Variants in ZNRF2 observed in about 807,000 individuals in gnomAD.
ZNRF2 encodes the protein zinc and ring finger 2.
A neutral mutation model predicts 20.4 loss-of-function variants in ZNRF2; 16 were observed. That is an observed-to-expected ratio of 0.79 (90% CI 0.53 to 1.19). ZNRF2 has a LOEUF of 1.19. Among genes scored for constraint, ZNRF2 ranks in the 50% most tolerant of loss-of-function variants. The pLI, the probability that ZNRF2 is intolerant of heterozygous loss-of-function variation, is 0.00. For missense variants in ZNRF2, 363 were observed against 332.4 expected, an observed-to-expected ratio of 1.09 and a Z score of -0.72; for synonymous variants, 178 against 144.9, an observed-to-expected ratio of 1.23 and a Z score of -1.64.
intron 1 of ZNRF2, among the ~76,000 whole-genome samples, chr7:30,295,046 AGAGAGTGTGTGTGTGTGTGTGTGT>A (rs1384974948): frequency 3.0e-5 from 3 of 98,522 alleles, no homozygotes; most frequent in African/African-American, 5.0e-5. Context: ...AGAGAGAGAG[AGAGAGTGTGTGTGTGTGTGTGTGT>A]GTGTGTGTGT....
intron 2 of ZNRF2, among the ~76,000 whole-genome samples, chr7:30,351,675 T>C (rs539907591): frequency 1.3e-5 from 2 of 152,164 alleles, no homozygotes; most frequent in East Asian, 3.9e-4. Context: ...ACCTCAGGAC[T>C]TAGTAGTTTA....
At chr7:30,328,042 C>T (rs771168615) in intron 2 of ZNRF2, among the ~76,000 whole-genome samples, 1 of 152,114 alleles carries the variant, frequency 6.6e-6, no homozygotes, top group South Asian at 2.1e-4. Context: ...GGAGCTTTGC[C>T]TGGACTGATT....
intron 2 of ZNRF2, among the ~76,000 whole-genome samples, chr7:30,346,349 A>AGG (rs1484919830): frequency 6.6e-6 from 1 of 151,314 alleles, no homozygotes; most frequent in African/African-American, 2.4e-5. Flanking sequence ...GCCTGCCACC[A>AGG]CGCCTGGCTA....
At chr7:30,315,160 A>G (rs899355639) in intron 1 of ZNRF2, among the ~76,000 whole-genome samples, 5 of 152,076 alleles carry the variant, frequency 3.3e-5, no homozygotes, top group African/African-American at 1.2e-4. Context: ...TGGTCCCAGT[A>G]TGGATTTTGA....
chr7:30,343,212 G>A lies in ZNRF2; in HGVS notation c.566-12516G>A, dbSNP rs576541906. ...TGCCAATAGTCGCAGCTACTGGGGAGGCTGAGGTGGGAGGATCACTTGAGC... is the reference window on the plus strand; with the variant it reads ...TGCCAATAGTCGCAGCTACTGGGGAAGCTGAGGTGGGAGGATCACTTGAGC... On this transcript the variant is annotated intron_variant, in intron 2 of 4. Coordinates refer to ENST00000323037, the MANE Select transcript of ZNRF2 (RefSeq NM_147128.4). Among the ~76,000 whole-genome samples, 99 of 152,122 alleles carry A rather than the reference G, an allele frequency of 6.5e-4. 1 individual carries two copies. The highest frequency in any genetic ancestry group is 8.5e-4 in the Admixed American group (13 of 15,294).
At chr7:30,350,283 T>C (rs1433834741) in intron 2 of ZNRF2, among the ~76,000 whole-genome samples, 1 of 152,068 alleles carries the variant, frequency 6.6e-6, no homozygotes, top group African/African-American at 2.4e-5. Context: ...ATAAACTTTT[T>C]TTAAAAAGTC....
intron 4 of ZNRF2, among the ~76,000 whole-genome samples, chr7:30,364,640 C>T (rs1187201980): frequency 6.6e-6 from 1 of 152,078 alleles, no homozygotes. Flanking sequence ...TGAGACAAAA[C>T]GAAACTGTGG....
intron 1 of ZNRF2, among the ~76,000 whole-genome samples, chr7:30,300,075 C>T (rs1404385500): frequency 2.0e-5 from 3 of 151,324 alleles, no homozygotes; most frequent in African/African-American, 4.9e-5. Flanking sequence ...TGAGCCATCC[C>T]GGCCGTAAAA....
rs1408240422 is a variant in ZNRF2, at chr7:30,329,146, T to TA, written c.565+5415dup. On this transcript the variant is annotated intron_variant, in intron 2 of 4. Coordinates refer to ENST00000323037, the MANE Select transcript of ZNRF2 (RefSeq NM_147128.4). ...ATTATTAGCAAATTCTTAGTTTTTT[T>TA]AAAAAATTTTATTATGTGTACATAA... 2.0e-5 allele frequency among the ~76,000 whole-genome samples: 3 copies of TA among 152,320 alleles called. No homozygotes were observed. The East Asian group carries it at 5.8e-4, about 29-fold the overall frequency.
At position 30,328,173 on chromosome 7, in the gene ZNRF2, G is replaced by T. The variant is rs142023716; in HGVS notation, c.565+4436G>T. Among the ~76,000 whole-genome samples the T allele has an allele frequency of 1.4e-3, 215 of 152,262 alleles. 1 individual carries two copies. The highest frequency in any genetic ancestry group is 4.8e-3 in the African/African-American group (200 of 41,542). On this transcript the variant is annotated intron_variant, in intron 2 of 4. Transcript: ENST00000323037. ...CCAAAATGTCTGTCACAGGTGATGA[G>T]TCCAAATGGAAATTGGCTCCTTTAA...
rs973070921 is a variant in ZNRF2 at position 30,311,758 on chromosome 7, T to C, written c.470-11884T>C. Among the ~76,000 whole-genome samples, 14 of 152,316 alleles carry C rather than the reference T, an allele frequency of 9.2e-5. No individual in the cohort carries two copies. In the South Asian group the frequency reaches 1.0e-3, roughly 11 times the overall value. Reference sequence around the variant, plus strand: ...ATGTATGCGTTGTTTTAGAAAATACTGGTAACACTGAGTCCAATTATTTGA... The same window carrying C: ...ATGTATGCGTTGTTTTAGAAAATACCGGTAACACTGAGTCCAATTATTTGA... On this transcript the variant is annotated intron_variant, in intron 1 of 4. Transcript: ENST00000323037.
At chr7:30,305,043 C>T (rs995371357) in intron 1 of ZNRF2, among the ~76,000 whole-genome samples, 3 of 152,236 alleles carry the variant, frequency 2.0e-5, no homozygotes, top group South Asian at 2.1e-4. Context: ...TATCTGTGTT[C>T]TTGAGGTTAT....
At chr7:30,339,748 C>T (rs904745174) in intron 2 of ZNRF2, among the ~76,000 whole-genome samples, 4 of 152,124 alleles carry the variant, frequency 2.6e-5, no homozygotes, top group African/African-American at 4.8e-5. Context: ...GCTCTATGGG[C>T]TCTTTTTTGG....
At position 30,303,356 on chromosome 7, in the gene ZNRF2, T is replaced by G. The variant is rs1216032514; in HGVS notation, c.469+17530T>G. On this transcript the variant is annotated intron_variant, in intron 1 of 4. Transcript: ENST00000323037. ...AATTTTATAGTAATTTGACCCCTTT[T>G]TAAAATCATTAATTTTTTAGATGTT... Among the ~76,000 whole-genome samples, 5 of 152,350 alleles carry G rather than the reference T, an allele frequency of 3.3e-5. No individual in the cohort carries two copies. The South Asian group carries it at 8.3e-4, about 25-fold the overall frequency.
intron 4 of ZNRF2, among the ~76,000 whole-genome samples, 159 bp from the exon 5 acceptor site, chr7:30,365,873 TTTG>T (rs1800205644): frequency 6.6e-6 from 1 of 152,164 alleles, no homozygotes; most frequent in African/African-American, 2.4e-5. Context: ...GGGGGATGAC[TTTG>T]TTATGTATTT....
intron 3 of ZNRF2, among the ~76,000 whole-genome samples, chr7:30,358,848 G>A (rs1313055334): frequency 6.6e-6 from 1 of 152,054 alleles, no homozygotes; most frequent in Admixed American, 6.5e-5. Flanking sequence ...GTGTGATCTT[G>A]GTCAAGTTGT....
chr7:30,349,301 T>C (rs184623527), intron 2 of ZNRF2, among the ~76,000 whole-genome samples: 20 of 152,306 alleles, frequency 1.3e-4, no homozygotes, highest in African/African-American at 4.8e-4. Flanking sequence ...GAGACTGCCT[T>C]CATTTGCATT....
chr7:30,346,515 G>A (rs373695376), intron 2 of ZNRF2, among the ~76,000 whole-genome samples: 2 of 151,910 alleles, frequency 1.3e-5, no homozygotes, highest in Non-Finnish European at 2.9e-5. Flanking sequence ...TTAACTTGCA[G>A]TATTGTAGAT....
chr7:30,313,930 TG>T (rs1428868840), intron 1 of ZNRF2, among the ~76,000 whole-genome samples: 1 of 152,214 alleles, frequency 6.6e-6, no homozygotes, highest in Non-Finnish European at 1.5e-5. Context: ...GTCCTTGTTG[TG>T]TTATTGGCAT....
Sources: gnomAD v4.1 joint callset for allele counts (sites outside exome capture counted in the v4.1 genomes callset) on GRCh38, gnomAD v4.1.1 for gene constraint, MANE v1.5 for transcripts, NCBI Gene and HGNC (gene_info 2026-07-23, HGNC 2026-07-21) for gene names.